KCNK2: variants seen among roughly 807,000 people sequenced by gnomAD.
KCNK2 encodes potassium two pore domain channel subfamily K member 2.
Under a neutral mutation model 40.5 loss-of-function variants are expected in KCNK2, and 21 were observed. That is an observed-to-expected ratio of 0.52 (90% CI 0.37 to 0.75). The LOEUF (loss-of-function observed/expected upper bound fraction) is 0.75, where lower values mean the gene tolerates loss of function less well. Ranked by LOEUF, KCNK2 falls within the 30% of genes least tolerant of loss-of-function variation. The pLI is 0.00. For synonymous variants in KCNK2, 191 were observed against 202.2 expected (o/e 0.94, Z 0.47); for missense variants, 399 against 531.6 (o/e 0.75, Z 2.45).
intron 6 of KCNK2, among the ~76,000 whole-genome samples, chr1:215,222,277 G>A (rs143704853): frequency 1.3e-5 from 2 of 152,268 alleles, no homozygotes; most frequent in East Asian, 3.9e-4. Flanking sequence ...CGTGTAATTT[G>A]GATGAGCTTC....
intron 3 of KCNK2, among the ~76,000 whole-genome samples, chr1:215,161,198 T>C (rs1316363284): frequency 6.6e-6 from 1 of 152,182 alleles, no homozygotes; most frequent in African/African-American, 2.4e-5. Context: ...TGATTCTTCA[T>C]TATTTAGCTT....
At chr1:215,177,581 G>T (rs1347653774) in intron 5 of KCNK2, among the ~76,000 whole-genome samples, 1 of 151,348 alleles carries the variant, frequency 6.6e-6, no homozygotes, top group African/African-American at 2.4e-5. Flanking sequence ...ATGCTAGCTA[G>T]CTATCCCAGC....
chr1:215,207,014 A>G (rs1318118637), intron 6 of KCNK2, among the ~76,000 whole-genome samples: 4 of 152,140 alleles, frequency 2.6e-5, no homozygotes, highest in South Asian at 2.1e-4. Flanking sequence ...TTACCGCTCC[A>G]GACAAATTCA....
chr1:215,065,662 A>G (rs1323867827), intron 1 of KCNK2, among the ~76,000 whole-genome samples: 1 of 152,204 alleles, frequency 6.6e-6, no homozygotes, highest in Non-Finnish European at 1.5e-5. Context: ...GTAATTAACT[A>G]CCAAGTCTCT....
chr1:215,196,049 T>A (rs1664850035), intron 6 of KCNK2, among the ~76,000 whole-genome samples: 1 of 151,436 alleles, frequency 6.6e-6, no homozygotes, highest in African/African-American at 2.4e-5. Context: ...TTAACTTCCC[T>A]TTACAAATGT....
At chr1:215,022,472 C>T (rs1656840330) in intron 1 of KCNK2, among the ~76,000 whole-genome samples, 1 of 152,148 alleles carries the variant, frequency 6.6e-6, no homozygotes, top group Non-Finnish European at 1.5e-5. Flanking sequence ...GTGTGTGGCT[C>T]TTCTCTTGTG....
At chr1:215,120,236 G>T (rs896213803) in intron 2 of KCNK2, among the ~76,000 whole-genome samples, 15 of 152,112 alleles carry the variant, frequency 9.9e-5, no homozygotes, top group African/African-American at 3.1e-4. Context: ...TTATTGATGA[G>T]AAAAAGAATA....
intron 1 of KCNK2, among the ~76,000 whole-genome samples, chr1:215,008,544 T>C (rs1321713203): frequency 1.3e-5 from 2 of 152,168 alleles, no homozygotes; most frequent in African/African-American, 2.4e-5. Flanking sequence ...TGGTTCCCCA[T>C]ATATAAAACA....
chr1:215,120,527 T>G lies in KCNK2; in HGVS notation c.358-4106T>G, dbSNP rs560193854. Among the ~76,000 whole-genome samples, 26 of 152,298 alleles carry G rather than the reference T, an allele frequency of 1.7e-4. No individual in the cohort carries two copies. In the South Asian group the frequency reaches 5.4e-3, roughly 32 times the overall value. On this transcript the variant is annotated intron_variant, in intron 2 of 6. Coordinates refer to ENST00000444842, the MANE Select transcript of KCNK2 (RefSeq NM_001017425.3). ...TCTGTCTAAATTCCCCTTCCCTGAT[T>G]TTTACTGGAAACATTTAGTTCTTCC...
chr1:215,083,072 C>A lies in KCNK2; in HGVS notation c.-314C>A. The A allele has an allele frequency of 2.9e-6, 1 of 342,740 alleles. No individual in the cohort carries two copies. The highest frequency in any genetic ancestry group is 5.2e-6 in the Non-Finnish European group (1 of 190,958). 21.2% of individuals were successfully genotyped at this position (342,740 alleles called of 1,614,324 possible). A position where few individuals can be genotyped will look rare whatever the true frequency, so the allele number is the denominator to read the frequency against. ...CGGGTCGCCCGCGCTCTCCGGGTGA[C>A]CCGGGCCCGGCAGCAGGCGCGCGCG... On this transcript the variant is annotated 5_prime_UTR_variant, in exon 1 of 7. Coordinates refer to ENST00000444842, the MANE Select transcript of KCNK2 (RefSeq NM_001017425.3).
chr1:215,115,927 C>G (rs750817361), intron 2 of KCNK2, among the ~76,000 whole-genome samples: 15 of 150,586 alleles, frequency 1.0e-4, no homozygotes, highest in Admixed American at 2.7e-4. Flanking sequence ...AGACTGGCTC[C>G]TTTAGAGTTG....
At chr1:215,136,131 G>A (rs1356825137) in intron 3 of KCNK2, among the ~76,000 whole-genome samples, 1 of 151,778 alleles carries the variant, frequency 6.6e-6, no homozygotes, top group Non-Finnish European at 1.5e-5. Context: ...TGGAGGCAGA[G>A]TCTCACTCTG....
chr1:215,115,023 GT>G (rs1660867042), intron 2 of KCNK2, among the ~76,000 whole-genome samples: 7 of 149,148 alleles, frequency 4.7e-5, no homozygotes, highest in African/African-American at 1.7e-4. Flanking sequence ...GTGTGTGTGT[GT>G]GTGTACAAAG....
intron 2 of KCNK2, among the ~76,000 whole-genome samples, chr1:215,117,453 A>G (rs1290576750): frequency 6.6e-6 from 1 of 152,144 alleles, no homozygotes; most frequent in Non-Finnish European, 1.5e-5. Context: ...TATGCTAGTA[A>G]CAATGTTTTT....
intron 1 of KCNK2, among the ~76,000 whole-genome samples, chr1:215,029,910 G>T (rs1274287014): frequency 6.6e-6 from 1 of 152,040 alleles, no homozygotes; most frequent in Non-Finnish European, 1.5e-5. Flanking sequence ...ACATGTTTTT[G>T]ATTCCTTTGG....
At chr1:215,018,335 G>T (rs1232251654) in intron 1 of KCNK2, among the ~76,000 whole-genome samples, 1 of 152,062 alleles carries the variant, frequency 6.6e-6, no homozygotes, top group Admixed American at 6.6e-5. Context: ...TAGAATATCA[G>T]TCTGGAACAT....
intron 1 of KCNK2, among the ~76,000 whole-genome samples, chr1:215,075,018 A>G (rs1658878368): frequency 1.3e-5 from 2 of 152,338 alleles, no homozygotes; most frequent in Admixed American, 1.3e-4. Flanking sequence ...AAAGTTAAAT[A>G]TGAATGTTAT....
At chr1:215,095,960 A>G (rs1372286509) in intron 2 of KCNK2, among the ~76,000 whole-genome samples, 1 of 152,106 alleles carries the variant, frequency 6.6e-6, no homozygotes, top group African/African-American at 2.4e-5. Flanking sequence ...ATGCCGGGGC[A>G]TGACTAGGTG....
chr1:215,057,287 G>C (rs908524271), intron 1 of KCNK2, among the ~76,000 whole-genome samples: 1 of 151,344 alleles, frequency 6.6e-6, no homozygotes, highest in Non-Finnish European at 1.5e-5. Flanking sequence ...TAAAAAAGAT[G>C]CAAAATGATC....
Sources: allele counts gnomAD v4.1 joint callset (sites outside exome capture counted in the v4.1 genomes callset), GRCh38; gene constraint gnomAD v4.1.1; transcripts MANE v1.5; gene names NCBI Gene and HGNC (gene_info 2026-07-23, HGNC 2026-07-21).